The following TFAM variants were observed in gnomAD, a reference collection of about 807,000 sequenced individuals.
TFAM encodes the protein mitochondrial transcription factor 1.
A neutral mutation model predicts 30.6 loss-of-function variants in TFAM; 13 were observed. The ratio of observed to expected loss-of-function variants is 0.42; its 90% confidence interval spans 0.28 to 0.67. The LOEUF is 0.67. Ranked by LOEUF, TFAM falls within the 30% of genes least tolerant of loss-of-function variation. TFAM has a pLI of 0.21. For synonymous variants in TFAM, 106 were observed against 94.8 expected (o/e 1.12, Z -0.69); for missense variants, 231 against 293.7 (o/e 0.79, Z 1.56).
chr10:58,388,239 A>G lies in TFAM; in HGVS notation c.270A>G (p.Glu90=). ...LIRRIAQRWR[E]LPDSKKKIYQ... ...GAAGAATTGCCCAGCGTTGGAGGGA[A>G]CTTCCTGATTCAAAGAAAAAAGTAA... Residue 90 remains glutamate (E), a synonymous_variant, in exon 3 of 7, where the codon GAA becomes GAG. Transcript: ENST00000487519. 2 of 1,614,002 alleles carry G rather than the reference A, an allele frequency of 1.2e-6. 1 individual carries two copies. Among genetic ancestry groups the G allele is most frequent in the South Asian group, 2.2e-5 (2 of 91,068 alleles).
At position 58,395,288 on chromosome 10, in the gene TFAM, C is replaced by T; in HGVS notation, c.*214C>T. 1.8e-6 allele frequency: 1 copy of T among 548,838 alleles called. No homozygotes were observed. Among genetic ancestry groups the T allele is most frequent in the Admixed American group, 3.1e-5 (1 of 32,418 alleles). 34.0% of individuals were successfully genotyped at this position (548,838 alleles called of 1,614,324 possible). ...GCAAACTTTATTTTGTGTTTAGGAA[C>T]TACTGAGGATCAGAGTAATCCAAGC... On this transcript the variant is annotated 3_prime_UTR_variant, in exon 7 of 7. Coordinates refer to ENST00000487519, the MANE Select transcript of TFAM (RefSeq NM_003201.3).
chr10:58,391,622 A>C (rs767040664), intron 5 of TFAM, among the ~76,000 whole-genome samples: 3 of 151,690 alleles, frequency 2.0e-5, no homozygotes, highest in Non-Finnish European at 4.4e-5. Flanking sequence ...AGCATTACCT[A>C]CCACCGTTTA....
rs564501102 is a variant in TFAM, at chr10:58,387,783, A to G, written c.221-407A>G. On this transcript the variant is annotated intron_variant, in intron 2 of 6. Transcript: ENST00000487519. ...CGTCTCTACAAAAAATACTAACATT[A>G]GCTGGACATGATGGCGCCTACCTGT... Among the ~76,000 whole-genome samples the G allele has an allele frequency of 2.6e-5, 4 of 152,118 alleles. No homozygotes were observed. In the South Asian group the frequency reaches 6.2e-4, roughly 24 times the overall value.
chr10:58,385,599 G>A lies in TFAM; in HGVS notation c.52G>A (p.Gly18Arg). Residue 18 changes from glycine (G) to arginine (R), a missense_variant, in exon 1 of 7, where the codon GGA becomes AGA. By Grantham distance (125) the Gly-to-Arg change is moderately radical. Transcript: ENST00000487519. ...WGVLSALGRS[G>R]AELCTGCGSR... Reference sequence around the variant, plus strand: ...CGTGCTGAGTGCCCTGGGAAGGTCTGGAGCAGAGCTGTGCACCGGCTGTGG... The same window carrying A: ...CGTGCTGAGTGCCCTGGGAAGGTCTAGAGCAGAGCTGTGCACCGGCTGTGG... The A allele has an allele frequency of 6.4e-7, 1 of 1,569,936 alleles. No homozygotes were observed. Among genetic ancestry groups the A allele is most frequent in the Non-Finnish European group, 8.6e-7 (1 of 1,156,948 alleles).
Position 58,388,292 on chromosome 10 carries a change from A to T in TFAM, c.291+32A>T, listed in dbSNP as rs769598247. ...ACATAAGTTTTCAACATTGCTGACCAGTTATTCTGCAGTTAGGAGCAATTG... is the reference window on the plus strand; with the variant it reads ...ACATAAGTTTTCAACATTGCTGACCTGTTATTCTGCAGTTAGGAGCAATTG... On this transcript the variant is annotated intron_variant, in intron 3 of 6. Transcript: ENST00000487519. 1.9e-6 allele frequency: 3 copies of T among 1,579,110 alleles called. No homozygotes were observed. In the Admixed American group the frequency reaches 5.0e-5, roughly 26 times the overall value.
chr10:58,390,712 T>TA, intron 4 of TFAM, 53 bp from the exon 5 acceptor site: 1 of 1,348,486 alleles, frequency 7.4e-7, no homozygotes, highest in Non-Finnish European at 1.1e-6. Flanking sequence ...TAGGTAAAAT[T>TA]AAGTCTCATG....
At chr10:58,394,479 C>G (rs755754878) in intron 6 of TFAM, 65 bp downstream of exon 6, 1 of 1,343,792 alleles carries the variant, frequency 7.4e-7, no homozygotes, top group Non-Finnish European at 1.1e-6. Flanking sequence ...TGTATTAGGG[C>G]AAGGCTTGAT....
In TFAM at chr10:58,397,749, T is replaced by TTATG. The variant is rs1554832657; in HGVS notation, c.*2676_*2677insATGT. 7.0e-6 allele frequency: 1 copy of TTATG among 143,034 alleles called. No individual in the cohort carries two copies. The highest frequency in any genetic ancestry group is 2.8e-5 in the African/African-American group (1 of 35,700). The allele number at this position is 143,034 out of a possible 1,614,324, so 8.9% of individuals were successfully genotyped here. On this transcript the variant is annotated 3_prime_UTR_variant, in exon 7 of 7. Coordinates refer to ENST00000487519, the MANE Select transcript of TFAM (RefSeq NM_003201.3). ...AATGACCACTCATATAAAGTCTTAT[T>TTATG]TGTGTGTGTGTGTGTGTGTGTGTGC... is the stretch of plus-strand genomic sequence containing the variant.
chr10:58,393,201 G>A (rs1422796550), intron 5 of TFAM, among the ~76,000 whole-genome samples: 1 of 151,760 alleles, frequency 6.6e-6, no homozygotes, highest in Non-Finnish European at 1.5e-5. Flanking sequence ...GGCTGGTCTC[G>A]AACTCCTGAC....
chr10:58,389,348 T>G (rs1840549524), intron 4 of TFAM, among the ~76,000 whole-genome samples: 1 of 152,180 alleles, frequency 6.6e-6, no homozygotes, highest in African/African-American at 2.4e-5. Flanking sequence ...GGTTCAAAAT[T>G]TGTAGTTCCC....
In TFAM at chr10:58,395,098, A is replaced by G; in HGVS notation, c.*24A>G. On this transcript the variant is annotated 3_prime_UTR_variant, in exon 7 of 7. Transcript: ENST00000487519. Reference sequence around the variant, plus strand: ...AAAAGTAGAAGATTGAGATGTGTTCACAATGGATAGGCACAGGAAACCAGT... The same window carrying G: ...AAAAGTAGAAGATTGAGATGTGTTCGCAATGGATAGGCACAGGAAACCAGT... 6.2e-7 allele frequency: 1 copy of G among 1,611,854 alleles called. No homozygotes were observed. Among genetic ancestry groups the G allele is most frequent in the Non-Finnish European group, 8.5e-7 (1 of 1,178,406 alleles).
rs925539755 is a variant in TFAM, at chr10:58,396,015, T to G, written c.*941T>G. ...GATCAAATCCAGCCTGCTGCCTGCT[T>G]TTTATGGCCTGTGAGCTAGGAATTG... On this transcript the variant is annotated 3_prime_UTR_variant, in exon 7 of 7. Coordinates refer to ENST00000487519, the MANE Select transcript of TFAM (RefSeq NM_003201.3). 1.2e-5 allele frequency: 2 copies of G among 173,386 alleles called. No homozygotes were observed. The highest frequency in any genetic ancestry group is 2.3e-5 in the African/African-American group (1 of 42,630). The allele number at this position is 173,386 out of a possible 1,614,324, so 10.7% of individuals were successfully genotyped here. A position where few individuals can be genotyped will look rare whatever the true frequency, so the allele number is the denominator to read the frequency against.
chr10:58,388,156 G>A (rs746837639), intron 2 of TFAM, 34 bp from the exon 3 acceptor site: 4 of 1,547,932 alleles, frequency 2.6e-6, no homozygotes, highest in Non-Finnish European at 3.6e-6. Flanking sequence ...AGGTAAAATT[G>A]TGGCATCTTT....
At chr10:58,394,617 A>G (rs1332625420) in intron 6 of TFAM, 1 of 710,074 alleles carries the variant, frequency 1.4e-6, no homozygotes, top group African/African-American at 1.8e-5. Context: ...ATTTGAAACC[A>G]CAGCACTCAT....
chr10:58,395,333 T>A lies in TFAM; in HGVS notation c.*259T>A. On this transcript the variant is annotated 3_prime_UTR_variant, in exon 7 of 7. Transcript: ENST00000487519. Reference sequence around the variant, plus strand: ...CCAAGCAAATGTGAATCATTTTACCTTTGACAAAGGTAAATCAGACTATGA... The same window carrying A: ...CCAAGCAAATGTGAATCATTTTACCATTGACAAAGGTAAATCAGACTATGA... The A allele has an allele frequency of 2.2e-6, 1 of 446,486 alleles. No individual in the cohort carries two copies. Among genetic ancestry groups the A allele is most frequent in the Non-Finnish European group, 4.1e-6 (1 of 246,218 alleles). The allele number at this position is 446,486 out of a possible 1,614,324, so 27.7% of individuals were successfully genotyped here.
intron 5 of TFAM, among the ~76,000 whole-genome samples, chr10:58,392,426 G>GT (rs1564568862): frequency 7.3e-6 from 1 of 137,056 alleles, no homozygotes; most frequent in East Asian, 2.2e-4. Context: ...CCTGCTACAT[G>GT]TATATGCATC....
At chr10:58,387,866 G>A (rs1840519639) in intron 2 of TFAM, among the ~76,000 whole-genome samples, 1 of 151,804 alleles carries the variant, frequency 6.6e-6, no homozygotes, top group Admixed American at 6.6e-5. Context: ...GGAGGTGGAG[G>A]TTGCATTAGG....
intron 2 of TFAM, chr10:58,386,749 A>G: frequency 1.0e-6 from 1 of 972,522 alleles, no homozygotes; most frequent in Non-Finnish European, 1.2e-6. Context: ...GTTCTATGCA[A>G]TTTACTGCTA....
In TFAM at chr10:58,386,816, G is replaced by A. The variant is rs182676478; in HGVS notation, c.220+478G>A. 1.8e-4 allele frequency: 87 copies of A among 495,138 alleles called. No homozygotes were observed. In the African/African-American group the frequency reaches 1.8e-3, roughly 10 times the overall value. 30.7% of individuals were successfully genotyped at this position (495,138 alleles called of 1,614,324 possible). Reference sequence around the variant, plus strand: ...AACCTTTTCATCATAGGAGTTCAGAGCCACTCTGGTTCTTTGATTCAGACC... The same window carrying A: ...AACCTTTTCATCATAGGAGTTCAGAACCACTCTGGTTCTTTGATTCAGACC... On this transcript the variant is annotated intron_variant, in intron 2 of 6. Transcript: ENST00000487519.
Sources: allele counts gnomAD v4.1 joint callset (sites outside exome capture counted in the v4.1 genomes callset), GRCh38; gene constraint gnomAD v4.1.1; transcripts MANE v1.5; gene names NCBI Gene and HGNC (gene_info 2026-07-23, HGNC 2026-07-21).